The following NALF1 variants were observed in gnomAD, a reference collection of about 807,000 sequenced individuals.
NALF1 encodes the protein family with sequence similarity 155 member A.
Under a neutral mutation model 48.4 loss-of-function variants are expected in NALF1, and 3 were observed. The ratio of observed to expected loss-of-function variants is 0.06; its 90% CI spans 0.03 to 0.16. The LOEUF is 0.16. Among genes scored for constraint, NALF1 ranks in the 10% least tolerant of loss-of-function variants. NALF1 has a pLI of 1.00. For synonymous variants in NALF1, 262 were observed against 245.7 expected (o/e 1.07, Z -0.62); for missense variants, 526 against 571.5 (o/e 0.92, Z 0.81).
At chr13:107,546,772 G>A (rs1044198323) in intron 1 of NALF1, among the ~76,000 whole-genome samples, 3 of 152,002 alleles carry the variant, frequency 2.0e-5, no homozygotes, top group Non-Finnish European at 4.4e-5. Flanking sequence ...TGTGATATAC[G>A]ACTACCAAGC....
At chr13:107,789,720 T>C (rs1454618385) in intron 1 of NALF1, among the ~76,000 whole-genome samples, 1 of 152,158 alleles carries the variant, frequency 6.6e-6, no homozygotes, top group Non-Finnish European at 1.5e-5. Flanking sequence ...GTGATATAGC[T>C]ACAAAGTGGC....
intron 1 of NALF1, among the ~76,000 whole-genome samples, chr13:107,753,725 T>C (rs1419371710): frequency 1.3e-5 from 2 of 152,116 alleles, no homozygotes; most frequent in African/African-American, 4.8e-5. Context: ...AAAGTAAACT[T>C]TATAGGTATA....
chr13:107,271,100 T>C (rs1358330637), intron 1 of NALF1, among the ~76,000 whole-genome samples: 7 of 152,158 alleles, frequency 4.6e-5, no homozygotes, highest in Non-Finnish European at 1.0e-4. Context: ...CTTCATTTGG[T>C]AGTTTGTAGT....
intron 1 of NALF1, among the ~76,000 whole-genome samples, chr13:107,626,238 T>C (rs1253061294): frequency 6.6e-6 from 1 of 151,978 alleles, no homozygotes; most frequent in Non-Finnish European, 1.5e-5. Flanking sequence ...TTATTATTTA[T>C]AACTGAAAAA....
intron 1 of NALF1, among the ~76,000 whole-genome samples, chr13:107,581,113 C>A (rs1329106711): frequency 6.6e-6 from 1 of 152,100 alleles, no homozygotes; most frequent in Non-Finnish European, 1.5e-5. Flanking sequence ...AGTTACGTCT[C>A]CTGTTTTGTT....
intron 1 of NALF1, among the ~76,000 whole-genome samples, chr13:107,655,898 A>G (rs901275338): frequency 9.2e-5 from 14 of 152,188 alleles, no homozygotes; most frequent in African/African-American, 3.4e-4. Context: ...AAACAAAAAC[A>G]TAAAGTGGGG....
intron 1 of NALF1, among the ~76,000 whole-genome samples, chr13:107,353,877 C>T (rs1360439542): frequency 1.3e-5 from 2 of 152,082 alleles, no homozygotes; most frequent in Non-Finnish European, 2.9e-5. Context: ...GATATTTATT[C>T]CTATACTTAA....
At chr13:107,554,597 G>A (rs1468795144) in intron 1 of NALF1, among the ~76,000 whole-genome samples, 1 of 152,184 alleles carries the variant, frequency 6.6e-6, no homozygotes, top group East Asian at 1.9e-4. Context: ...CCAGACCCAA[G>A]AACTGGCAGG....
chr13:107,454,012 T>TA (rs1884785382), intron 1 of NALF1, among the ~76,000 whole-genome samples: 1 of 152,198 alleles, frequency 6.6e-6, no homozygotes, highest in Non-Finnish European at 1.5e-5. Flanking sequence ...ACAAGTTCCT[T>TA]ACCTCCATCA....
chr13:107,472,158 G>A (rs1275689853), intron 1 of NALF1, among the ~76,000 whole-genome samples: 2 of 152,050 alleles, frequency 1.3e-5, no homozygotes, highest in African/African-American at 4.8e-5. Flanking sequence ...GTGAAAGCCC[G>A]TCTCTACTAA....
chr13:107,201,268 A>G (rs1446744853), intron 2 of NALF1, among the ~76,000 whole-genome samples: 1 of 152,178 alleles, frequency 6.6e-6, no homozygotes, highest in Non-Finnish European at 1.5e-5. Flanking sequence ...CTTGGAAGAG[A>G]TCAGAAGGAA....
chr13:107,646,382 T>C (rs1191987921), intron 1 of NALF1, among the ~76,000 whole-genome samples: 1 of 151,966 alleles, frequency 6.6e-6, no homozygotes, highest in African/African-American at 2.4e-5. Flanking sequence ...TTCCAAATGA[T>C]GCAGTGAAAT....
In NALF1 at chr13:107,165,771, G is replaced by GT. The variant is rs981882175; in HGVS notation, c.*4725dup. 1.3e-5 allele frequency: 2 copies of GT among 152,032 alleles called. No individual in the cohort carries two copies. Among genetic ancestry groups the GT allele is most frequent in the Admixed American group, 6.6e-5 (1 of 15,260 alleles). The allele number at this position is 152,032 out of a possible 1,614,324, so 9.4% of individuals were successfully genotyped here. On this transcript the variant is annotated 3_prime_UTR_variant, in exon 3 of 3. Transcript: ENST00000375915. Reference sequence around the variant, plus strand: ...ACCCAATACCTACCTGCTATATTAGGTTTTTTATAAACATTGTTAAAGCTT... The same window carrying GT: ...ACCCAATACCTACCTGCTATATTAGGTTTTTTTATAAACATTGTTAAAGCTT...
intron 1 of NALF1, among the ~76,000 whole-genome samples, chr13:107,301,262 G>T (rs1881831867): frequency 6.6e-6 from 1 of 152,060 alleles, no homozygotes; most frequent in Non-Finnish European, 1.5e-5. Context: ...TTAGTCATTT[G>T]TGTATTCATT....
At position 107,387,183 on chromosome 13, in the gene NALF1, T is replaced by C. The variant is rs530038824; in HGVS notation, c.916-176428A>G. 1.1e-3 allele frequency among the ~76,000 whole-genome samples: 175 copies of C among 152,282 alleles called. 1 individual carries two copies. The highest frequency in any genetic ancestry group is 4.0e-3 in the African/African-American group (168 of 41,556). On this transcript the variant is annotated intron_variant, in intron 1 of 2. Coordinates refer to ENST00000375915, the MANE Select transcript of NALF1 (RefSeq NM_001080396.3). Reference sequence around the variant, plus strand: ...GTCTTAGAAATTTCGACGGTCCTAATGGAAATTGAATTACTTTTTGGAAGG... The same window carrying C: ...GTCTTAGAAATTTCGACGGTCCTAACGGAAATTGAATTACTTTTTGGAAGG...
intron 1 of NALF1, among the ~76,000 whole-genome samples, chr13:107,838,286 C>G (rs1374196380): frequency 1.3e-5 from 2 of 152,178 alleles, no homozygotes; most frequent in African/African-American, 4.8e-5. Flanking sequence ...GAATCAGAGT[C>G]TACAGTTCAG....
chr13:107,472,183 G>T lies in NALF1; in HGVS notation c.916-261428C>A, dbSNP rs568841093. 8.5e-5 allele frequency among the ~76,000 whole-genome samples: 13 copies of T among 152,248 alleles called. No individual in the cohort carries two copies. The East Asian group carries it at 2.5e-3, about 30-fold the overall frequency. On this transcript the variant is annotated intron_variant, in intron 1 of 2. Coordinates refer to ENST00000375915, the MANE Select transcript of NALF1 (RefSeq NM_001080396.3). ...GTCTCTACTAAAAATACAAAAATTA[G>T]CCAGGCATAGTGGCGGGCACCTGTA...
chr13:107,245,351 G>C (rs571326404), intron 1 of NALF1, among the ~76,000 whole-genome samples: 1 of 152,146 alleles, frequency 6.6e-6, no homozygotes, highest in Non-Finnish European at 1.5e-5. Flanking sequence ...CCAGAATAAA[G>C]TGTTTTTTTA....
intron 1 of NALF1, among the ~76,000 whole-genome samples, chr13:107,864,717 T>G (rs9559178): frequency 6.6e-6 from 1 of 152,206 alleles, no homozygotes; most frequent in African/African-American, 2.4e-5. Context: ...AGCTCTTGGG[T>G]AAATCTCATT....
Sources: allele counts gnomAD v4.1 joint callset (sites outside exome capture counted in the v4.1 genomes callset), GRCh38; gene constraint gnomAD v4.1.1; transcripts MANE v1.5; gene names NCBI Gene and HGNC (gene_info 2026-07-23, HGNC 2026-07-21).